Variants in GRID2 observed in about 807,000 individuals in gnomAD.
GRID2 encodes the protein glutamate receptor ionotropic, delta-2.
A neutral mutation model predicts 114.8 loss-of-function variants in GRID2; 33 were observed. That is an observed-to-expected ratio of 0.29 (90% CI 0.22 to 0.38). The LOEUF (loss-of-function observed/expected upper bound fraction) is 0.38, where lower values mean the gene tolerates loss of function less well. Among genes scored for constraint, GRID2 ranks in the 10% least tolerant of loss-of-function variants. The probability of loss-of-function intolerance (pLI) is 1.00; values close to 1 mark genes in which losing one functional copy is unlikely to be tolerated. For missense variants in GRID2, 1,184 were observed against 1,257.7 expected (o/e 0.94, Z 0.89); for synonymous variants, 505 against 449.9 (o/e 1.12, Z -1.55).
chr4:92,413,222 A>G (rs2110306446), intron 1 of GRID2, among the ~76,000 whole-genome samples: 1 of 152,292 alleles, frequency 6.6e-6, no homozygotes, highest in Admixed American at 6.5e-5. Flanking sequence ...GGAGGCATGT[A>G]GCTTTTTCAT....
At chr4:93,741,650 G>A (rs935377948) in intron 14 of GRID2, among the ~76,000 whole-genome samples, 3 of 152,150 alleles carry the variant, frequency 2.0e-5, no homozygotes, top group African/African-American at 4.8e-5. Flanking sequence ...AGTGTTGGCC[G>A]AGCACAGTGG....
chr4:93,600,112 T>C (rs1408492433), intron 13 of GRID2, among the ~76,000 whole-genome samples: 3 of 152,188 alleles, frequency 2.0e-5, no homozygotes, highest in African/African-American at 7.2e-5. Context: ...AAGGGCTGAG[T>C]AAACTCATCA....
intron 12 of GRID2, among the ~76,000 whole-genome samples, chr4:93,504,716 G>A (rs1425845548): frequency 6.6e-6 from 1 of 151,892 alleles, no homozygotes; most frequent in Non-Finnish European, 1.5e-5. Flanking sequence ...TAACCTAGCA[G>A]CATGTAAGTT....
intron 1 of GRID2, among the ~76,000 whole-genome samples, chr4:92,585,265 A>C (rs1055639666): frequency 6.6e-6 from 1 of 152,040 alleles, no homozygotes; most frequent in African/African-American, 2.4e-5. Flanking sequence ...GTTGTTAAAA[A>C]GAAAATAAAA....
chr4:92,782,297 T>C (rs1308942377), intron 2 of GRID2, among the ~76,000 whole-genome samples: 1 of 152,086 alleles, frequency 6.6e-6, no homozygotes, highest in Non-Finnish European at 1.5e-5. Flanking sequence ...AATATAATAC[T>C]TTTGCTAATG....
At chr4:92,941,359 G>T (rs1262257901) in intron 2 of GRID2, among the ~76,000 whole-genome samples, 1 of 152,132 alleles carries the variant, frequency 6.6e-6, no homozygotes, top group Admixed American at 6.6e-5. Context: ...TTTGCATAGA[G>T]GTGTTTATAG....
At chr4:92,944,209 T>G (rs1751419588) in intron 2 of GRID2, among the ~76,000 whole-genome samples, 1 of 152,218 alleles carries the variant, frequency 6.6e-6, no homozygotes, top group African/African-American at 2.4e-5. Flanking sequence ...GCAGGCCTCC[T>G]TGAGCTGTGG....
At chr4:93,614,646 G>A (rs72670677) in intron 13 of GRID2, among the ~76,000 whole-genome samples, 3,478 of 152,114 alleles carry the variant, frequency 0.023, 59 homozygotes, top group East Asian at 0.062. Context: ...ACTGATAGTA[G>A]TACTAATTAA....
At chr4:93,178,696 G>C (rs1739600016) in intron 4 of GRID2, among the ~76,000 whole-genome samples, 1 of 151,886 alleles carries the variant, frequency 6.6e-6, no homozygotes, top group African/African-American at 2.4e-5. Flanking sequence ...CCCTTGAAAA[G>C]TTTTCAAGAA....
chr4:93,156,521 T>C (rs547872832), intron 4 of GRID2, among the ~76,000 whole-genome samples: 9 of 151,810 alleles, frequency 5.9e-5, no homozygotes, highest in Admixed American at 2.6e-4. Context: ...CCTTTAGATG[T>C]AGTGTTGACA....
chr4:92,992,034 T>C (rs1347446905), intron 2 of GRID2, among the ~76,000 whole-genome samples: 1 of 152,156 alleles, frequency 6.6e-6, no homozygotes, highest in East Asian at 1.9e-4. Context: ...CTTTGTAACA[T>C]TTCAGGAAAG....
At chr4:93,660,449 C>T (rs1417748688) in intron 14 of GRID2, among the ~76,000 whole-genome samples, 1 of 152,024 alleles carries the variant, frequency 6.6e-6, no homozygotes, top group Non-Finnish European at 1.5e-5. Context: ...TTCAAATATA[C>T]ATTTGTGTAT....
intron 14 of GRID2, among the ~76,000 whole-genome samples, chr4:93,681,119 A>T (rs1447088134): frequency 6.6e-6 from 1 of 151,464 alleles, no homozygotes; most frequent in Non-Finnish European, 1.5e-5. Flanking sequence ...AATCACAAGC[A>T]TTCTTATACA....
intron 13 of GRID2, among the ~76,000 whole-genome samples, chr4:93,529,942 G>T (rs907900525): frequency 6.6e-6 from 1 of 152,026 alleles, no homozygotes; most frequent in Non-Finnish European, 1.5e-5. Flanking sequence ...GCAAGTTGAC[G>T]CTTATCTTTC....
intron 10 of GRID2, among the ~76,000 whole-genome samples, chr4:93,454,127 C>G (rs925525678): frequency 1.3e-5 from 2 of 151,846 alleles, no homozygotes; most frequent in African/African-American, 4.8e-5. Flanking sequence ...TTTCATATAG[C>G]GTTATTAAGT....
intron 1 of GRID2, among the ~76,000 whole-genome samples, chr4:92,503,159 A>G (rs1723776307): frequency 6.6e-6 from 1 of 152,164 alleles, no homozygotes. Flanking sequence ...CATGCTATAT[A>G]GTATGTAACA....
At chr4:92,796,689 G>A (rs987672185) in intron 2 of GRID2, among the ~76,000 whole-genome samples, 1 of 151,844 alleles carries the variant, frequency 6.6e-6, no homozygotes, top group African/African-American at 2.4e-5. Context: ...AATGGCATCT[G>A]GGAACTTGTT....
At chr4:93,029,269 C>T (rs1724168105) in intron 2 of GRID2, among the ~76,000 whole-genome samples, 1 of 151,998 alleles carries the variant, frequency 6.6e-6, no homozygotes, top group African/African-American at 2.4e-5. Flanking sequence ...CAAAAAAAAT[C>T]TGTAATAAAA....
At chr4:93,049,430 T>C (rs1241236253) in intron 2 of GRID2, among the ~76,000 whole-genome samples, 2 of 151,986 alleles carry the variant, frequency 1.3e-5, no homozygotes, top group Non-Finnish European at 2.9e-5. Flanking sequence ...CTTTGTTCTT[T>C]TACTAATTAC....
Sources: gnomAD v4.1 joint callset for allele counts (sites outside exome capture counted in the v4.1 genomes callset) on GRCh38, gnomAD v4.1.1 for gene constraint, MANE v1.5 for transcripts, NCBI Gene and HGNC (gene_info 2026-07-23, HGNC 2026-07-21) for gene names.